The following TENM1 variants were observed in gnomAD, a reference collection of about 807,000 sequenced individuals.
TENM1 encodes the protein teneurin transmembrane protein 1.
TENM1 carries 35 observed loss-of-function variants against 174.8 expected under a neutral mutation model. That is an observed-to-expected ratio of 0.20 (90% CI 0.15 to 0.27). The LOEUF is 0.27. Among genes scored for constraint, TENM1 ranks in the 10% least tolerant of loss-of-function variants. The pLI, the probability that TENM1 is intolerant of heterozygous loss-of-function variation, is 1.00. For missense variants in TENM1, 1,633 were observed against 2,130.1 expected (o/e 0.77, Z 4.59); for synonymous variants, 781 against 798.7 (o/e 0.98, Z 0.37).
chrX:124,505,695 G>A (rs2047432218), intron 18 of TENM1, among the ~76,000 whole-genome samples: 1 of 111,219 alleles, frequency 9.0e-6, no homozygotes, highest in Admixed American at 9.6e-5. Context: ...TTGGGTCAGG[G>A]AGCACTTTGT....
chrX:124,955,558 C>G (rs1346923764), intron 1 of TENM1, among the ~76,000 whole-genome samples: 1 of 111,252 alleles, frequency 9.0e-6, no homozygotes, highest in African/African-American at 3.3e-5. Context: ...AAATTCAGTG[C>G]TTCTGAGGGT....
At chrX:124,898,238 A>G (rs924050255) in intron 1 of TENM1, among the ~76,000 whole-genome samples, 1 of 111,046 alleles carries the variant, frequency 9.0e-6, no homozygotes, top group African/African-American at 3.3e-5. Context: ...TGCATTTCGA[A>G]TGACTTCCCT....
chrX:124,914,893 C>CT (rs1279581734), intron 1 of TENM1, among the ~76,000 whole-genome samples: 1 of 111,536 alleles, frequency 9.0e-6, no homozygotes, highest in African/African-American at 3.3e-5. Context: ...ATATCAAAAT[C>CT]TTTAACATGC....
intron 1 of TENM1, among the ~76,000 whole-genome samples, chrX:124,961,479 TA>T (rs1168154297): frequency 9.1e-6 from 1 of 110,343 alleles, no homozygotes; most frequent in African/African-American, 3.3e-5. Flanking sequence ...CCATCTCTAC[TA>T]AAAATACAAA....
At chrX:125,079,566 A>G in the TENM1 span, among the ~76,000 whole-genome samples, 4 of 111,441 alleles carry the variant, frequency 3.6e-5, no homozygotes, top group Non-Finnish European at 7.6e-5. Context: ...CCCAAATTTC[A>G]TTTCTAATGA....
chrX:124,722,838 T>C (rs1299430579), intron 4 of TENM1, among the ~76,000 whole-genome samples: 2 of 48,295 alleles, frequency 4.1e-5, no homozygotes. Context: ...AGACTCCGTC[T>C]CAAAAAAAAA....
chrX:124,931,873 A>G (rs376874453), intron 1 of TENM1, among the ~76,000 whole-genome samples: 1,248 of 75,695 alleles, frequency 0.016, 13 homozygotes, highest in African/African-American at 0.049. Context: ...AAGCGCACGC[A>G]CACACACACA....
At chrX:124,571,768 C>T (rs1345013755) in intron 11 of TENM1, among the ~76,000 whole-genome samples, 2 of 111,173 alleles carry the variant, frequency 1.8e-5, no homozygotes, top group East Asian at 2.8e-4. Context: ...CCTGAGTACA[C>T]ATTAAAAACA....
intron 28 of TENM1, among the ~76,000 whole-genome samples, chrX:124,390,525 G>A (rs775460549): frequency 8.9e-6 from 1 of 111,808 alleles, no homozygotes; most frequent in Admixed American, 9.5e-5. Context: ...GTCGGACTCT[G>A]GTGCCAATGA....
chrX:124,863,631 T>C (rs2147448680), intron 3 of TENM1, among the ~76,000 whole-genome samples: 1 of 111,422 alleles, frequency 9.0e-6, no homozygotes, highest in African/African-American at 3.3e-5. Flanking sequence ...CTTCAAAGGC[T>C]TTTTTTTACC....
the TENM1 span, among the ~76,000 whole-genome samples, chrX:125,094,468 C>A: frequency 8.9e-6 from 1 of 112,068 alleles, no homozygotes; most frequent in Non-Finnish European, 1.9e-5. Flanking sequence ...CATAAATTAT[C>A]TTAAAGAAGC....
the TENM1 span, among the ~76,000 whole-genome samples, chrX:124,981,956 TAAA>T: frequency 0.039 from 1,049 of 26,699 alleles, 48 homozygotes; most frequent in Middle Eastern, 0.077. Flanking sequence ...TAGAGTATAA[TAAA>T]AAAAAAAAAA....
At chrX:124,491,763 A>C (rs1314538505) in intron 20 of TENM1, among the ~76,000 whole-genome samples, 1 of 112,075 alleles carries the variant, frequency 8.9e-6, no homozygotes, top group Non-Finnish European at 1.9e-5. Flanking sequence ...CAGATGTTTC[A>C]ATTGGAAACG....
At chrX:124,611,193 G>T (rs2050270540) in intron 11 of TENM1, among the ~76,000 whole-genome samples, 1 of 112,069 alleles carries the variant, frequency 8.9e-6, no homozygotes, top group South Asian at 3.7e-4. Context: ...ATCTCAGCAT[G>T]AAGCTTTTAG....
In TENM1 at chrX:124,756,223, G is replaced by A. The variant is rs201799325; in HGVS notation, c.536-19026C>T. On this transcript the variant is annotated intron_variant, in intron 3 of 31. Transcript: ENST00000422452. ...TTTTTTTCTCTAAACTTCCCTTCTC[G>A]CTTCATTTCATTCATTTCATCTTCC... Among the ~76,000 whole-genome samples the A allele has an allele frequency of 1.8e-4, 18 of 99,153 alleles. No individual in the cohort carries two copies. In the East Asian group the frequency reaches 3.4e-3, roughly 19 times the overall value. The allele number at this position is 99,153 out of a possible 115,157, so 86.1% of individuals were successfully genotyped here. A position where few individuals can be genotyped will look rare whatever the true frequency, so the allele number is the denominator to read the frequency against.
intron 1 of TENM1, among the ~76,000 whole-genome samples, chrX:124,934,125 T>A (rs2058212193): frequency 8.9e-6 from 1 of 112,226 alleles, no homozygotes; most frequent in South Asian, 3.7e-4. Context: ...CTTGGTTAAT[T>A]TTGTTTAACA....
At chrX:124,890,293 A>C (rs943086258) in intron 3 of TENM1, among the ~76,000 whole-genome samples, 9 of 111,690 alleles carry the variant, frequency 8.1e-5, no homozygotes, top group African/African-American at 2.3e-4. Flanking sequence ...TTTTTCCTCC[A>C]GTTCAATGTG....
intron 4 of TENM1, among the ~76,000 whole-genome samples, chrX:124,722,033 C>A (rs1490382831): frequency 8.9e-6 from 1 of 111,906 alleles, no homozygotes; most frequent in African/African-American, 3.3e-5. Context: ...AACACAACTA[C>A]CCACATTACC....
At chrX:124,929,135 C>T (rs2058133371) in intron 1 of TENM1, among the ~76,000 whole-genome samples, 1 of 111,488 alleles carries the variant, frequency 9.0e-6, no homozygotes, top group Non-Finnish European at 1.9e-5. Context: ...TAAATTCGAC[C>T]TGTCTTATGC....
Sources: gnomAD v4.1 joint callset for allele counts (sites outside exome capture counted in the v4.1 genomes callset) on GRCh38, gnomAD v4.1.1 for gene constraint, MANE v1.5 for transcripts, NCBI Gene and HGNC (gene_info 2026-07-23, HGNC 2026-07-21) for gene names.